Variants in OSBPL9 observed in about 807,000 individuals in gnomAD.
OSBPL9 encodes the protein oxysterol-binding protein-related protein 9.
OSBPL9 carries 40 observed loss-of-function variants against 106.6 expected under a neutral mutation model. The observed-to-expected ratio is 0.38, with a 90% CI of 0.29 to 0.49. The LOEUF (loss-of-function observed/expected upper bound fraction) is 0.49, where lower values mean the gene tolerates loss of function less well. OSBPL9 is among the 20% of genes least tolerant of loss of function. The pLI is 0.97. For missense variants in OSBPL9, 609 were observed against 887.2 expected (o/e 0.69, Z 3.98); for synonymous variants, 269 against 295.4 (o/e 0.91, Z 0.92).
At chr1:51,529,730 T>C in the OSBPL9 span, among the ~76,000 whole-genome samples, 1 of 151,392 alleles carries the variant, frequency 6.6e-6, no homozygotes, top group Non-Finnish European at 1.5e-5. Flanking sequence ...AACTACCATA[T>C]TCACATGCAA....
In OSBPL9 at chr1:51,772,202, T is replaced by G; in HGVS notation, c.1051+20T>G. ...ATGCTGGTAAGTGACCTTTGATAATTTAACTTTTTTTTCTTTAAAAATATT... is the reference window on the plus strand; with the variant it reads ...ATGCTGGTAAGTGACCTTTGATAATGTAACTTTTTTTTCTTTAAAAATATT... On this transcript the variant is annotated intron_variant, in intron 13 of 23. Transcript: ENST00000428468. The G allele has an allele frequency of 6.3e-7, 1 of 1,583,036 alleles. No homozygotes were observed. Among genetic ancestry groups the G allele is most frequent in the African/African-American group, 1.4e-5 (1 of 73,770 alleles).
chr1:51,564,854 T>C, the OSBPL9 span, among the ~76,000 whole-genome samples: 1 of 152,204 alleles, frequency 6.6e-6, no homozygotes, highest in Non-Finnish European at 1.5e-5. Flanking sequence ...CCCAAGTCCT[T>C]GAGCCAAGCC....
At chr1:51,555,916 T>A in the OSBPL9 span, among the ~76,000 whole-genome samples, 2 of 152,216 alleles carry the variant, frequency 1.3e-5, no homozygotes, top group African/African-American at 2.4e-5. Context: ...TCTATTTTTT[T>A]AAAATAACAT....
chr1:51,781,946 GGA>G (rs1255414638), intron 16 of OSBPL9, among the ~76,000 whole-genome samples: 1 of 152,030 alleles, frequency 6.6e-6, no homozygotes, highest in Non-Finnish European at 1.5e-5. Flanking sequence ...TGGAGTTTAG[GGA>G]GAGGTCTGAG....
chr1:51,740,667 C>CT (rs778897636), intron 4 of OSBPL9, among the ~76,000 whole-genome samples: 19 of 152,046 alleles, frequency 1.2e-4, no homozygotes, highest in Non-Finnish European at 5.9e-5. Flanking sequence ...ACACTTACTC[C>CT]TTTAAGTTTT....
chr1:51,554,649 C>T, the OSBPL9 span, among the ~76,000 whole-genome samples: 10 of 152,072 alleles, frequency 6.6e-5, no homozygotes, highest in Non-Finnish European at 1.2e-4. Flanking sequence ...CTCTCAGGGC[C>T]GAGTGACCAA....
intron 1 of OSBPL9, among the ~76,000 whole-genome samples, chr1:51,580,936 A>ACTT (rs1645217704): frequency 3.6e-3 from 2 of 552 alleles, no homozygotes; most frequent in African/African-American, 5.5e-3. Flanking sequence ...ATATATATAT[A>ACTT]TATATATATA....
intron 9 of OSBPL9, among the ~76,000 whole-genome samples, chr1:51,759,113 T>TG (rs1345406234): frequency 6.7e-6 from 1 of 149,312 alleles, no homozygotes; most frequent in African/African-American, 2.5e-5. Flanking sequence ...TCTTAGTTGT[T>TG]TTTTTTTTTA....
chr1:51,744,572 C>T (rs1445244159), intron 4 of OSBPL9, among the ~76,000 whole-genome samples: 6 of 152,030 alleles, frequency 3.9e-5, no homozygotes, highest in African/African-American at 9.7e-5. Context: ...ATGCTTTGGG[C>T]GAAGGCAGGG....
chr1:51,668,467 C>G (rs967834988), intron 2 of OSBPL9, among the ~76,000 whole-genome samples: 1 of 151,924 alleles, frequency 6.6e-6, no homozygotes, highest in Admixed American at 6.6e-5. Flanking sequence ...ACTAAAAATA[C>G]AAAAGTTAGC....
At chr1:51,538,958 T>C in the OSBPL9 span, among the ~76,000 whole-genome samples, 1 of 152,212 alleles carries the variant, frequency 6.6e-6, no homozygotes, top group African/African-American at 2.4e-5. Context: ...TCTCTTTGTC[T>C]ATTCCACCAC....
chr1:51,571,026 G>A, the OSBPL9 span, among the ~76,000 whole-genome samples: 1 of 152,114 alleles, frequency 6.6e-6, no homozygotes, highest in African/African-American at 2.4e-5. Flanking sequence ...TCAGCATGTT[G>A]GCCAGGCTGG....
At chr1:51,772,981 G>A (rs575414008) in intron 14 of OSBPL9, among the ~76,000 whole-genome samples, 33 of 152,276 alleles carry the variant, frequency 2.2e-4, no homozygotes, top group Admixed American at 5.2e-4. Flanking sequence ...TAGGGTCAGA[G>A]GATCTGTGTT....
chr1:51,760,493 A>G, intron 9 of OSBPL9, 197 bp from the exon 10 acceptor site: 1 of 637,242 alleles, frequency 1.6e-6, no homozygotes, highest in Admixed American at 3.8e-5. Flanking sequence ...AGATTCATTC[A>G]TTGTCTTTCC....
At chr1:51,519,906 C>G in the OSBPL9 span, among the ~76,000 whole-genome samples, 1 of 152,132 alleles carries the variant, frequency 6.6e-6, no homozygotes, top group African/African-American at 2.4e-5. Flanking sequence ...AAAGGGGAAG[C>G]AAAAATGTAT....
At chr1:51,627,080 T>C (rs934127777) in intron 1 of OSBPL9, among the ~76,000 whole-genome samples, 4 of 152,256 alleles carry the variant, frequency 2.6e-5, no homozygotes, top group African/African-American at 9.6e-5. Context: ...TCATAGCTTA[T>C]AGCAGCCTCA....
intron 3 of OSBPL9, among the ~76,000 whole-genome samples, chr1:51,680,043 TTGAGTCATTCTGCCAGCC>T (rs1361667828): frequency 1.3e-5 from 2 of 152,030 alleles, no homozygotes; most frequent in Non-Finnish European, 2.9e-5. Context: ...TGTTATAAAA[TTGAGTCATTCTGCCAGCC>T]TGGCCAACAT....
upstream of OSBPL9, chr1:51,617,084 C>T (rs201160149): frequency 9.6e-4 from 1,533 of 1,594,224 alleles, no homozygotes; most frequent in Non-Finnish European, 1.2e-3. Flanking sequence ...GACGTCAGGC[C>T]GTTTGTTGTC....
chr1:51,762,015 C>G (rs780899212), intron 11 of OSBPL9, 44 bp downstream of exon 11: 1 of 1,405,900 alleles, frequency 7.1e-7, no homozygotes. Context: ...ACTCTATTAA[C>G]ATTTGAGGTT....
Sources: gnomAD v4.1 joint callset for allele counts (sites outside exome capture counted in the v4.1 genomes callset) on GRCh38, gnomAD v4.1.1 for gene constraint, MANE v1.5 for transcripts, NCBI Gene and HGNC (gene_info 2026-07-23, HGNC 2026-07-21) for gene names.